Variants in DENND5B observed in about 807,000 individuals in gnomAD.
The protein encoded by DENND5B is DENN domain-containing protein 5B.
Under a neutral mutation model 140.6 loss-of-function variants are expected in DENND5B, and 34 were observed. The observed-to-expected ratio is 0.24, with a 90% CI of 0.18 to 0.32. The LOEUF (loss-of-function observed/expected upper bound fraction) is 0.32, where lower values mean the gene tolerates loss of function less well. Ranked by LOEUF, DENND5B falls within the 10% of genes least tolerant of loss-of-function variation. The probability of loss-of-function intolerance (pLI) is 1.00; values close to 1 mark genes in which losing one functional copy is unlikely to be tolerated. For synonymous variants in DENND5B, 551 were observed against 562.1 expected, an observed-to-expected ratio of 0.98 and a Z score of 0.28; for missense variants, 1,142 against 1,560.2, an observed-to-expected ratio of 0.73 and a Z score of 4.52.
intron 1 of DENND5B, among the ~76,000 whole-genome samples, chr12:31,559,062 G>GGAAC (rs1034607480): frequency 2.0e-4 from 30 of 152,088 alleles, no homozygotes; most frequent in African/African-American, 7.2e-4. Flanking sequence ...TATGTCACTT[G>GGAAC]GAACATAAGT....
chr12:31,464,170 C>T (rs543513721), intron 3 of DENND5B, among the ~76,000 whole-genome samples: 1 of 152,158 alleles, frequency 6.6e-6, no homozygotes, highest in South Asian at 2.1e-4. Context: ...CTCAGCAAGG[C>T]ACATGAGGCT....
At chr12:31,564,253 T>A (rs1005709373) in intron 1 of DENND5B, among the ~76,000 whole-genome samples, 1 of 152,158 alleles carries the variant, frequency 6.6e-6, no homozygotes, top group African/African-American at 2.4e-5. Flanking sequence ...TGAATTTGAG[T>A]ATCCATAAAC....
chr12:31,573,348 G>T lies in DENND5B; in HGVS notation c.127+17358C>A, dbSNP rs193217432. On this transcript the variant is annotated intron_variant, in intron 1 of 20. Coordinates refer to ENST00000389082, the MANE Select transcript of DENND5B (RefSeq NM_144973.4). ...ATCTCTCGCTCACACATATACCAGT[G>T]CTTCAACTGTCCCTCAAAGACTGAT... 3.3e-5 allele frequency among the ~76,000 whole-genome samples: 5 copies of T among 152,222 alleles called. No individual in the cohort carries two copies. In the East Asian group the frequency reaches 9.7e-4, roughly 29 times the overall value.
chr12:31,540,804 C>T, intron 1 of DENND5B: 1 of 166,452 alleles, frequency 6.0e-6, no homozygotes, highest in South Asian at 1.2e-4. Flanking sequence ...TCAAATTATA[C>T]TACAGTTAGA....
Position 31,460,388 on chromosome 12 carries a change from A to G in DENND5B, c.905-7T>C, listed in dbSNP as rs545222525. 1.9e-6 allele frequency: 3 copies of G among 1,607,180 alleles called. No individual in the cohort carries two copies. In the African/African-American group the frequency reaches 4.0e-5, roughly 21 times the overall value. ...GTCATCAGGCGTTGATAATCTGCACAGAACAAGGAAAAAGGAAAGGGAAGA... is the reference window on the plus strand; with the variant it reads ...GTCATCAGGCGTTGATAATCTGCACGGAACAAGGAAAAAGGAAAGGGAAGA... On this transcript the variant is annotated splice_region_variant and splice_polypyrimidine_tract_variant and intron_variant, in intron 3 of 20. Transcript: ENST00000389082.
At chr12:31,557,070 G>A (rs1353610067) in intron 1 of DENND5B, among the ~76,000 whole-genome samples, 1 of 152,106 alleles carries the variant, frequency 6.6e-6, no homozygotes, top group Non-Finnish European at 1.5e-5. Flanking sequence ...AGATAATGTA[G>A]ATATAAAATG....
At chr12:31,558,035 A>G (rs1949355851) in intron 1 of DENND5B, among the ~76,000 whole-genome samples, 1 of 152,088 alleles carries the variant, frequency 6.6e-6, no homozygotes, top group African/African-American at 2.4e-5. Context: ...CCTGGGCAAA[A>G]GAGATCCCGT....
intron 8 of DENND5B, chr12:31,426,780 AG>A (rs1943256873): frequency 4.4e-6 from 1 of 228,856 alleles, no homozygotes; most frequent in South Asian, 6.0e-5. Flanking sequence ...CACAAATCCA[AG>A]GTTCTGCAGG....
At chr12:31,459,719 T>C (rs1404521501) in intron 4 of DENND5B, among the ~76,000 whole-genome samples, 1 of 152,222 alleles carries the variant, frequency 6.6e-6, no homozygotes, top group African/African-American at 2.4e-5. Context: ...ATAACTGGCC[T>C]TGTATCTGAA....
At chr12:31,406,685 A>G (rs1438309898) in intron 14 of DENND5B, among the ~76,000 whole-genome samples, 1 of 152,216 alleles carries the variant, frequency 6.6e-6, no homozygotes, top group Admixed American at 6.5e-5. Context: ...AGTATGAAAA[A>G]GCAATATGAT....
Position 31,419,536 on chromosome 12 carries a change from C to T in DENND5B, c.2470+4061G>A, listed in dbSNP as rs973594874. 1.9e-4 allele frequency among the ~76,000 whole-genome samples: 24 copies of T among 124,754 alleles called. No individual in the cohort carries two copies. In the East Asian group the frequency reaches 2.6e-3, roughly 14 times the overall value. The allele number at this position is 124,754 out of a possible 152,430, so 81.8% of individuals were successfully genotyped here. ...TTTTATAAATGTAGCACAGACAGCA[C>T]GTTTGTAGAGGGCAGGGACTGTATG... On this transcript the variant is annotated intron_variant, in intron 11 of 20. Transcript: ENST00000389082.
chr12:31,453,234 C>G (rs1396362070), intron 4 of DENND5B, among the ~76,000 whole-genome samples: 1 of 152,102 alleles, frequency 6.6e-6, no homozygotes, highest in Non-Finnish European at 1.5e-5. Flanking sequence ...TAACTATGCA[C>G]TTGATTAACC....
chr12:31,532,709 A>ATC (rs1948330366), intron 1 of DENND5B, among the ~76,000 whole-genome samples: 1 of 152,212 alleles, frequency 6.6e-6, no homozygotes, highest in African/African-American at 2.4e-5. Context: ...ATTGGGAAAA[A>ATC]TAAAGTATTC....
At chr12:31,527,550 C>T (rs929872666) in intron 1 of DENND5B, among the ~76,000 whole-genome samples, 47 of 152,226 alleles carry the variant, frequency 3.1e-4, no homozygotes, top group Admixed American at 1.8e-3. Flanking sequence ...GAGGCCGAGG[C>T]GGGCGGATCA....
At chr12:31,534,814 G>T (rs1027997412) in intron 1 of DENND5B, 1 of 455,710 alleles carries the variant, frequency 2.2e-6, no homozygotes, top group South Asian at 1.7e-5. Context: ...CTTTGAAGTT[G>T]TTTTTCAGCC....
intron 1 of DENND5B, among the ~76,000 whole-genome samples, chr12:31,562,663 G>A (rs1949515965): frequency 6.6e-6 from 1 of 152,018 alleles, no homozygotes; most frequent in Non-Finnish European, 1.5e-5. Context: ...GCTTGTAGTT[G>A]TATACGATCT....
At chr12:31,398,958 C>T (rs1941635243) in intron 16 of DENND5B, among the ~76,000 whole-genome samples, 1 of 151,430 alleles carries the variant, frequency 6.6e-6, no homozygotes, top group Non-Finnish European at 1.5e-5. Context: ...CCCATCTCTA[C>T]TAAAAATACA....
chr12:31,561,142 A>C (rs1949460844), intron 1 of DENND5B, among the ~76,000 whole-genome samples: 1 of 152,202 alleles, frequency 6.6e-6, no homozygotes. Flanking sequence ...AGTTACCAAA[A>C]AGGATCTATA....
At chr12:31,434,842 C>A (rs1425947454) in intron 7 of DENND5B, among the ~76,000 whole-genome samples, 2 of 152,108 alleles carry the variant, frequency 1.3e-5, no homozygotes, top group East Asian at 3.9e-4. Flanking sequence ...AAATGGTCAT[C>A]CAGAACTCCT....
Sources: gnomAD v4.1 joint callset for allele counts (sites outside exome capture counted in the v4.1 genomes callset) on GRCh38, gnomAD v4.1.1 for gene constraint, MANE v1.5 for transcripts, NCBI Gene and HGNC (gene_info 2026-07-23, HGNC 2026-07-21) for gene names.